Variants in KGD4 observed in about 807,000 individuals in gnomAD.
KGD4 encodes the protein alpha-ketoglutarate dehydrogenase subunit 4.
chr5:69,224,027 TGTCTA>T, the KGD4 span, among the ~76,000 whole-genome samples: 1 of 133,312 alleles, frequency 7.5e-6, no homozygotes, highest in Non-Finnish European at 1.6e-5. Flanking sequence ...AGCAAGACTC[TGTCTA>T]AAAAAAAAAA....
chr5:69,228,084 A>T, the KGD4 span: 2 of 772,800 alleles, frequency 2.6e-6, no homozygotes, highest in Non-Finnish European at 3.9e-6. Flanking sequence ...TTCAAGAGTT[A>T]TTTGAAGAAT....
the KGD4 span, among the ~76,000 whole-genome samples, chr5:69,224,343 A>G: frequency 6.6e-6 from 1 of 151,168 alleles, no homozygotes; most frequent in Admixed American, 6.6e-5. Flanking sequence ...GTGAACAGAG[A>G]TTACGCCACT....
At chr5:69,222,900 C>A in the KGD4 span, among the ~76,000 whole-genome samples, 2 of 151,562 alleles carry the variant, frequency 1.3e-5, no homozygotes, top group South Asian at 4.2e-4. Context: ...CTTAGCCTCC[C>A]GAGTAGCTGG....
At chr5:69,218,014 T>G in the KGD4 span, 1 of 1,330,594 alleles carries the variant, frequency 7.5e-7, no homozygotes, top group Non-Finnish European at 1.1e-6. Flanking sequence ...CCCGCGGGTG[T>G]GTGTGAGGAT....
At chr5:69,226,255 C>T in the KGD4 span, 1 of 942,390 alleles carries the variant, frequency 1.1e-6, no homozygotes, top group Non-Finnish European at 1.7e-6. Context: ...GTAATTTTAA[C>T]AAACGTATCT....
the KGD4 span, among the ~76,000 whole-genome samples, chr5:69,228,849 T>C: frequency 6.6e-6 from 1 of 151,862 alleles, no homozygotes; most frequent in Admixed American, 6.6e-5. Context: ...ACCTCGTCTC[T>C]ACTGAAAATA....
chr5:69,228,173 T>A, the KGD4 span: 23 of 1,481,750 alleles, frequency 1.6e-5, no homozygotes, highest in Non-Finnish European at 2.1e-5. Flanking sequence ...ATTTCTCTAA[T>A]AAGGTCTTTT....
chr5:69,220,415 G>A, the KGD4 span, among the ~76,000 whole-genome samples: 1 of 151,938 alleles, frequency 6.6e-6, no homozygotes, highest in Non-Finnish European at 1.5e-5. Flanking sequence ...CAACACTTTG[G>A]AAAGCCAAGG....
At chr5:69,218,019 G>T in the KGD4 span, 2 of 1,310,096 alleles carry the variant, frequency 1.5e-6, no homozygotes, top group Non-Finnish European at 2.1e-6. Context: ...GGGTGTGTGT[G>T]AGGATGGGAC....
At chr5:69,217,951 C>T in the KGD4 span, 6 of 1,609,262 alleles carry the variant, frequency 3.7e-6, no homozygotes, top group Non-Finnish European at 5.1e-6. Context: ...GGAGTAAAGG[C>T]GGTGGCAGAG....
At chr5:69,218,071 G>T in the KGD4 span, 1 of 777,640 alleles carries the variant, frequency 1.3e-6, no homozygotes, top group Non-Finnish European at 2.0e-6. Flanking sequence ...GTCCGGCGCC[G>T]AGGGTTCGAG....
the KGD4 span, chr5:69,229,096 T>A: frequency 1.5e-5 from 13 of 863,158 alleles, no homozygotes; most frequent in South Asian, 1.8e-4. Context: ...AACTATTTTT[T>A]AAAAACCAAA....
the KGD4 span, among the ~76,000 whole-genome samples, chr5:69,222,959 G>C: frequency 3.0e-3 from 445 of 150,352 alleles, 5 homozygotes; most frequent in African/African-American, 0.011. Context: ...TATTTTTTTA[G>C]TAGAGACAGG....
chr5:69,219,705 AAG>A, the KGD4 span, among the ~76,000 whole-genome samples: 1 of 152,156 alleles, frequency 6.6e-6, no homozygotes, highest in East Asian at 1.9e-4. Context: ...AAAAGAAAAA[AAG>A]AGAGAATACA....
chr5:69,229,421 T>C, the KGD4 span: 1 of 525,978 alleles, frequency 1.9e-6, no homozygotes, highest in African/African-American at 1.9e-5. Context: ...GCTTACCTAA[T>C]TGTTTATATA....
the KGD4 span, among the ~76,000 whole-genome samples, chr5:69,224,796 C>T: frequency 0.025 from 3,833 of 151,940 alleles, 164 homozygotes; most frequent in African/African-American, 0.085. Flanking sequence ...AAATTTCTGC[C>T]GGGTGCGGTG....
At chr5:69,217,768 C>T in the KGD4 span, 2 of 1,611,166 alleles carry the variant, frequency 1.2e-6, no homozygotes, top group African/African-American at 1.3e-5. Context: ...CCACAGCTGC[C>T]CGGGACTCCA....
At chr5:69,222,728 T>C in the KGD4 span, among the ~76,000 whole-genome samples, 1 of 151,750 alleles carries the variant, frequency 6.6e-6, no homozygotes, top group Non-Finnish European at 1.5e-5. Flanking sequence ...GGAGTGATGA[T>C]AGGATAGATA....
the KGD4 span, among the ~76,000 whole-genome samples, chr5:69,222,572 T>G: frequency 5.9e-5 from 9 of 152,188 alleles, no homozygotes. Flanking sequence ...AAACTTCTTT[T>G]TTTTCTTCTT....
Sources: gnomAD v4.1 joint callset for allele counts (sites outside exome capture counted in the v4.1 genomes callset) on GRCh38, gnomAD v4.1.1 for gene constraint, MANE v1.5 for transcripts, NCBI Gene and HGNC (gene_info 2026-07-23, HGNC 2026-07-21) for gene names.